Variants in DENND5B observed in about 807,000 individuals in gnomAD.
DENND5B encodes DENN domain containing 5B, also known as DENN domain-containing protein 5B.
Under a neutral mutation model 140.6 loss-of-function variants are expected in DENND5B, and 34 were observed. The observed-to-expected ratio is 0.24, with a 90% confidence interval of 0.18 to 0.32. DENND5B has a LOEUF of 0.32. Among genes scored for constraint, DENND5B ranks in the 10% least tolerant of loss-of-function variants. The pLI is 1.00. For synonymous variants in DENND5B, 551 were observed against 562.1 expected (o/e 0.98, Z 0.28); for missense variants, 1,142 against 1,560.2 (o/e 0.73, Z 4.52).
chr12:31,449,732 T>TTTTTTG (rs927718684), intron 5 of DENND5B, among the ~76,000 whole-genome samples: 1 of 11,634 alleles, frequency 8.6e-5, no homozygotes, highest in African/African-American at 1.3e-4. Flanking sequence ...CACAGATTAG[T>TTTTTTG]TTTTTTTTTT....
At chr12:31,494,203 CCTACCTACCTACCTACCT>C (rs1370982211) in intron 2 of DENND5B, among the ~76,000 whole-genome samples, 1,865 of 70,532 alleles carry the variant, frequency 0.026, 120 homozygotes, top group East Asian at 0.2. Flanking sequence ...CATCCATCCA[CCTACCTACCTACCTACCT>C]CTACCTACCT....
At chr12:31,391,628 G>A (rs1001925566) in intron 19 of DENND5B, among the ~76,000 whole-genome samples, 12 of 152,074 alleles carry the variant, frequency 7.9e-5, no homozygotes, top group Non-Finnish European at 5.9e-5. Context: ...GAAAAACAAA[G>A]ACAATACTTG....
intron 9 of DENND5B, among the ~76,000 whole-genome samples, chr12:31,425,883 C>T (rs1855807612): frequency 6.6e-6 from 1 of 152,196 alleles, no homozygotes; most frequent in Admixed American, 6.5e-5. Flanking sequence ...AAACCTACAA[C>T]ACAGCTAAGG....
chr12:31,449,600 G>A (rs930103846), intron 5 of DENND5B, among the ~76,000 whole-genome samples: 35 of 151,980 alleles, frequency 2.3e-4, no homozygotes, highest in African/African-American at 8.5e-4. Context: ...TTTCTTTAGG[G>A]GTTATGTAAA....
chr12:31,397,743 T>C (rs1045376084), intron 17 of DENND5B, among the ~76,000 whole-genome samples: 2 of 151,808 alleles, frequency 1.3e-5, no homozygotes, highest in Admixed American at 6.6e-5. Flanking sequence ...CTGGGCAACA[T>C]GGCGAAAGGC....
At chr12:31,517,349 G>T (rs1947698829) in intron 1 of DENND5B, among the ~76,000 whole-genome samples, 1 of 152,192 alleles carries the variant, frequency 6.6e-6, no homozygotes, top group African/African-American at 2.4e-5. Context: ...GCTTAAAGCG[G>T]ACTATGAGTA....
intron 13 of DENND5B, 65 bp from the exon 14 acceptor site, chr12:31,409,449 T>C: frequency 2.7e-6 from 3 of 1,098,556 alleles, no homozygotes; most frequent in Non-Finnish European, 3.6e-6. Context: ...ACCAAGACAG[T>C]AGTATCATGT....
chr12:31,491,634 A>C (rs372828746), intron 2 of DENND5B, among the ~76,000 whole-genome samples: 13 of 152,298 alleles, frequency 8.5e-5, no homozygotes, highest in African/African-American at 3.1e-4. Flanking sequence ...TAGGTGATTA[A>C]TACATACATT....
rs551872358 is a variant in DENND5B at position 31,383,124 on chromosome 12, T to C, written c.*4479A>G. 2 of 152,300 alleles carry C rather than the reference T, an allele frequency of 1.3e-5. No homozygotes were observed. Among genetic ancestry groups the C allele is most frequent in the African/African-American group, 2.4e-5 (1 of 41,580 alleles). 9.4% of individuals were successfully genotyped at this position (152,300 alleles called of 1,614,324 possible). ...ATAAATAGCTAAAGTTCAGATTGTCTTTTCAACATAGTGAAAAGGATACAC... is the reference window on the plus strand; with the variant it reads ...ATAAATAGCTAAAGTTCAGATTGTCCTTTCAACATAGTGAAAAGGATACAC... On this transcript the variant is annotated 3_prime_UTR_variant, in exon 21 of 21. Transcript: ENST00000389082.
chr12:31,515,491 T>G (rs944020257), intron 1 of DENND5B, among the ~76,000 whole-genome samples: 5 of 152,188 alleles, frequency 3.3e-5, no homozygotes, highest in African/African-American at 1.2e-4. Flanking sequence ...TTCCACATAC[T>G]TATAGTTTTG....
At chr12:31,431,023 CA>C (rs1396090068) in intron 8 of DENND5B, among the ~76,000 whole-genome samples, 6 of 152,200 alleles carry the variant, frequency 3.9e-5, no homozygotes, top group Non-Finnish European at 8.8e-5. Context: ...GAGGAAAAAA[CA>C]TATTTCAAGA....
chr12:31,489,850 G>A (rs377556796), intron 2 of DENND5B, among the ~76,000 whole-genome samples: 84 of 152,340 alleles, frequency 5.5e-4, no homozygotes, highest in African/African-American at 2.0e-3. Flanking sequence ...AATGTTTACA[G>A]TGAAGTCTGA....
At position 31,432,138 on chromosome 12, in the gene DENND5B, A is replaced by G. The variant is rs1426971684; in HGVS notation, c.2106+1017T>C. On this transcript the variant is annotated intron_variant, in intron 8 of 20. Transcript: ENST00000389082. ...AATGCCATGGAGTTCTGACAGACCA[A>G]AAGTTCCCCGGAAGGCTAAGAGGAT... is the stretch of plus-strand genomic sequence containing the variant. The G allele has an allele frequency of 5.1e-6, 5 of 985,056 alleles. No individual in the cohort carries two copies. In the Admixed American group the frequency reaches 3.1e-4, roughly 61 times the overall value. 61.0% of individuals were successfully genotyped at this position (985,056 alleles called of 1,614,324 possible). A position where few individuals can be genotyped will look rare whatever the true frequency, so the allele number is the denominator to read the frequency against.
chr12:31,404,368 T>C (rs1942000121), intron 14 of DENND5B, among the ~76,000 whole-genome samples: 1 of 152,196 alleles, frequency 6.6e-6, no homozygotes, highest in Admixed American at 6.5e-5. Flanking sequence ...CCAATCAGTG[T>C]TCACTGCAGC....
chr12:31,514,408 T>C (rs1157824850), intron 1 of DENND5B, among the ~76,000 whole-genome samples: 1 of 152,198 alleles, frequency 6.6e-6, no homozygotes. Flanking sequence ...CGAATAATTA[T>C]GAACATGGGC....
intron 4 of DENND5B, among the ~76,000 whole-genome samples, chr12:31,453,023 A>C (rs1253782120): frequency 6.6e-6 from 1 of 152,226 alleles, no homozygotes; most frequent in Non-Finnish European, 1.5e-5. Context: ...TCTGTAATGC[A>C]GAATTGACAA....
chr12:31,545,950 CAAA>C (rs57460264), intron 1 of DENND5B, among the ~76,000 whole-genome samples: 4 of 36,384 alleles, frequency 1.1e-4, no homozygotes, highest in East Asian at 8.1e-4. Context: ...GACACTGTCT[CAAA>C]AAAAAAAAAA....
At chr12:31,483,696 T>G (rs777685550) in intron 2 of DENND5B, among the ~76,000 whole-genome samples, 1 of 151,872 alleles carries the variant, frequency 6.6e-6, no homozygotes, top group Non-Finnish European at 1.5e-5. Flanking sequence ...CTTCGTCCTC[T>G]CAAAGTGCTG....
At chr12:31,512,725 C>CAT (rs1168290549) in intron 1 of DENND5B, among the ~76,000 whole-genome samples, 1 of 152,066 alleles carries the variant, frequency 6.6e-6, no homozygotes, top group Non-Finnish European at 1.5e-5. Context: ...TTCAGCTTTG[C>CAT]ATTGGTCAAA....
Sources: allele counts gnomAD v4.1 joint callset (sites outside exome capture counted in the v4.1 genomes callset), GRCh38; gene constraint gnomAD v4.1.1; transcripts MANE v1.5; gene names NCBI Gene and HGNC (gene_info 2026-07-23, HGNC 2026-07-21).